Variants in CNBD1 observed in about 807,000 individuals in gnomAD.
The protein encoded by CNBD1 is cyclic nucleotide-binding domain-containing protein 1.
In CNBD1, 71 loss-of-function variants were observed where a neutral mutation model predicts 54.4. The observed-to-expected ratio is 1.30, with a 90% CI of 1.08 to 1.59. The LOEUF is 1.59. CNBD1 is among the 40% of genes most tolerant of loss of function. CNBD1 has a pLI of 0.00. For synonymous variants in CNBD1, 182 were observed against 170.7 expected (o/e 1.07, Z -0.51); for missense variants, 659 against 518.0 (o/e 1.27, Z -2.64).
In CNBD1 at chr8:87,265,316, T is replaced by G. The variant is rs572237959; in HGVS notation, c.772-19362T>G. Among the ~76,000 whole-genome samples, 6 of 152,168 alleles carry G rather than the reference T, an allele frequency of 3.9e-5. No individual in the cohort carries two copies. In the East Asian group the frequency reaches 1.2e-3, roughly 29 times the overall value. On this transcript the variant is annotated intron_variant, in intron 6 of 10. Coordinates refer to ENST00000518476, the MANE Select transcript of CNBD1 (RefSeq NM_173538.3). ...GTCAAAGATCAGATAGTTGTAGATA[T>G]GTGGCGTTATTTCTGAGGGCTCTGT...
intron 2 of CNBD1, among the ~76,000 whole-genome samples, chr8:87,397,570 A>C (rs1169552524): frequency 6.6e-6 from 1 of 151,960 alleles, no homozygotes. Flanking sequence ...CTAGAAATGT[A>C]GTGAAATATA....
chr8:87,095,474 T>C (rs1216844811), intron 4 of CNBD1, among the ~76,000 whole-genome samples: 2 of 152,212 alleles, frequency 1.3e-5, no homozygotes, highest in East Asian at 3.8e-4. Context: ...TCTCTCCTAT[T>C]ATAACAATCA....
chr8:87,313,790 A>C (rs550230672), intron 8 of CNBD1, among the ~76,000 whole-genome samples: 1 of 151,950 alleles, frequency 6.6e-6, no homozygotes. Flanking sequence ...GCTTATATGC[A>C]TTTAATTTTT....
intron 4 of CNBD1, among the ~76,000 whole-genome samples, chr8:87,104,239 G>A (rs977456291): frequency 6.6e-6 from 1 of 152,210 alleles, no homozygotes; most frequent in Non-Finnish European, 1.5e-5. Context: ...CAAGTTTAAT[G>A]GCAGTTGCTG....
chr8:87,162,526 A>T (rs1812878758), intron 4 of CNBD1, among the ~76,000 whole-genome samples: 1 of 152,130 alleles, frequency 6.6e-6, no homozygotes, highest in African/African-American at 2.4e-5. Flanking sequence ...TTGATCATAA[A>T]TTGATAAAAA....
At chr8:86,876,410 A>C (rs1164445036) in intron 1 of CNBD1, among the ~76,000 whole-genome samples, 1 of 151,860 alleles carries the variant, frequency 6.6e-6, no homozygotes, top group Non-Finnish European at 1.5e-5. Flanking sequence ...TTTTAATGAT[A>C]TATACTGTTA....
At chr8:87,180,771 A>C (rs949555049) in intron 4 of CNBD1, among the ~76,000 whole-genome samples, 1 of 152,132 alleles carries the variant, frequency 6.6e-6, no homozygotes, top group Admixed American at 6.6e-5. Flanking sequence ...TGTGTGTTTG[A>C]CTCTCAGGCA....
chr8:87,222,665 C>T (rs1007106194), intron 5 of CNBD1, among the ~76,000 whole-genome samples: 2 of 152,048 alleles, frequency 1.3e-5, no homozygotes, highest in African/African-American at 4.8e-5. Flanking sequence ...GGTCTTTGTA[C>T]CAGAGAGTGG....
chr8:87,123,206 A>C (rs909250322), intron 4 of CNBD1, among the ~76,000 whole-genome samples: 1 of 151,852 alleles, frequency 6.6e-6, no homozygotes, highest in Non-Finnish European at 1.5e-5. Flanking sequence ...CAACAGTAGC[A>C]TAATATACCA....
chr8:86,944,969 G>A (rs1290109314), intron 4 of CNBD1, among the ~76,000 whole-genome samples: 1 of 152,150 alleles, frequency 6.6e-6, no homozygotes, highest in African/African-American at 2.4e-5. Context: ...AGTCCTTGAA[G>A]CAAATCAGGT....
At position 87,422,078 on chromosome 8, in the gene CNBD1, G is replaced by C. The variant is rs1012738739; in HGVS notation, c.214-6468G>C. Among the ~76,000 whole-genome samples the C allele has an allele frequency of 1.7e-3, 250 of 143,742 alleles. 1 individual carries two copies. The highest frequency in any genetic ancestry group is 3.0e-3 in the Non-Finnish European group (196 of 66,426). The allele number at this position is 143,742 out of a possible 152,430, so 94.3% of individuals were successfully genotyped here. On this transcript the variant is annotated intron_variant, in intron 2 of 7. Transcript: ENST00000521593. ...TTTGGCTGCATAAATGTCTTTGTTTGAGAAGTGTCTGTTCATATCCTTCAC... is the reference window on the plus strand; with the variant it reads ...TTTGGCTGCATAAATGTCTTTGTTTCAGAAGTGTCTGTTCATATCCTTCAC...
At chr8:87,357,154 C>T (rs1293937355) in intron 10 of CNBD1, among the ~76,000 whole-genome samples, 1 of 152,180 alleles carries the variant, frequency 6.6e-6, no homozygotes, top group Non-Finnish European at 1.5e-5. Context: ...AGAGAAGGCT[C>T]CTGCAGGGGC....
At chr8:87,328,395 A>G (rs966672365) in intron 8 of CNBD1, among the ~76,000 whole-genome samples, 1 of 151,782 alleles carries the variant, frequency 6.6e-6, no homozygotes, top group African/African-American at 2.4e-5. Flanking sequence ...ATTATTGTGT[A>G]TAATTTTTTA....
At chr8:87,009,207 G>A (rs1212126243) in intron 4 of CNBD1, among the ~76,000 whole-genome samples, 2 of 151,876 alleles carry the variant, frequency 1.3e-5, no homozygotes, top group African/African-American at 4.8e-5. Context: ...ATAGTTTAAT[G>A]CCTTTCAATT....
chr8:87,048,726 C>A (rs1810251979), intron 4 of CNBD1, among the ~76,000 whole-genome samples: 1 of 152,292 alleles, frequency 6.6e-6, no homozygotes, highest in East Asian at 1.9e-4. Flanking sequence ...ATATGGAATG[C>A]CCCTTACTTT....
chr8:87,297,163 CAAAAAAAAAAAAA>C (rs555582073), intron 8 of CNBD1, among the ~76,000 whole-genome samples: 3 of 88,756 alleles, frequency 3.4e-5, no homozygotes, highest in Non-Finnish European at 4.3e-5. Context: ...GGGTCCGTCT[CAAAAAAAAAAAAA>C]AAAAAAAAAG....
chr8:87,327,037 C>G (rs1308889348), intron 8 of CNBD1, among the ~76,000 whole-genome samples: 3 of 150,086 alleles, frequency 2.0e-5, no homozygotes, highest in Non-Finnish European at 4.4e-5. Flanking sequence ...GCACCCTCAG[C>G]TGCAGATCTG....
chr8:87,078,998 C>T (rs892777291), intron 4 of CNBD1, among the ~76,000 whole-genome samples: 5 of 152,036 alleles, frequency 3.3e-5, no homozygotes, highest in Non-Finnish European at 5.9e-5. Context: ...TTTCATTATG[C>T]CCATAGGCAG....
At chr8:87,393,315 A>G (rs764809349) in intron 2 of CNBD1, among the ~76,000 whole-genome samples, 4 of 151,884 alleles carry the variant, frequency 2.6e-5, no homozygotes, top group Admixed American at 6.6e-5. Flanking sequence ...TCTTTTGATA[A>G]TATTCTCCCT....
Sources: allele counts gnomAD v4.1 joint callset (sites outside exome capture counted in the v4.1 genomes callset), GRCh38; gene constraint gnomAD v4.1.1; transcripts MANE v1.5; gene names NCBI Gene and HGNC (gene_info 2026-07-23, HGNC 2026-07-21).